Variants in TRHDE observed in about 807,000 individuals in gnomAD.
TRHDE encodes the protein thyrotropin releasing hormone degrading enzyme.
TRHDE carries 72 observed loss-of-function variants against 125.7 expected under a neutral mutation model. The observed-to-expected ratio is 0.57, with a 90% CI of 0.47 to 0.70. The LOEUF (loss-of-function observed/expected upper bound fraction) is 0.70. TRHDE is among the 30% of genes least tolerant of loss of function. TRHDE has a pLI of 0.00. For missense variants in TRHDE, 1,110 were observed against 1,327.1 expected (o/e 0.84, Z 2.54); for synonymous variants, 509 against 509.1 (o/e 1.00, Z 0.00).
intron 5 of TRHDE, among the ~76,000 whole-genome samples, chr12:72,494,671 A>G (rs1305268019): frequency 1.3e-5 from 2 of 152,192 alleles, no homozygotes; most frequent in East Asian, 3.9e-4. Flanking sequence ...AGACTTTGAC[A>G]TGTTCAGGCA....
intron 6 of TRHDE, among the ~76,000 whole-genome samples, chr12:72,515,050 G>T (rs1435478736): frequency 7.1e-6 from 1 of 141,836 alleles, no homozygotes. Flanking sequence ...TTGGATATTT[G>T]GGTTGGTTCC....
At chr12:72,285,122 C>A (rs889603427) in intron 1 of TRHDE, among the ~76,000 whole-genome samples, 4 of 152,166 alleles carry the variant, frequency 2.6e-5, no homozygotes, top group Non-Finnish European at 4.4e-5. Context: ...ATGTAAGCTT[C>A]ATAATTTAAA....
chr12:72,185,988 A>G (rs1592474680), intron 2 of TRHDE, among the ~76,000 whole-genome samples: 1 of 152,212 alleles, frequency 6.6e-6, no homozygotes, highest in Non-Finnish European at 1.5e-5. Flanking sequence ...TAAAAGCACC[A>G]ATCAGCCTGA....
At chr12:72,546,394 A>G (rs1031063381) in intron 7 of TRHDE, among the ~76,000 whole-genome samples, 1 of 151,506 alleles carries the variant, frequency 6.6e-6, no homozygotes. Flanking sequence ...CCTCTCAAAG[A>G]CTTTGTAATT....
At chr12:72,585,838 A>G (rs1036086587) in intron 12 of TRHDE, among the ~76,000 whole-genome samples, 1 of 152,214 alleles carries the variant, frequency 6.6e-6, no homozygotes, top group African/African-American at 2.4e-5. Context: ...AAACAACTCA[A>G]AATAAAAATC....
chr12:72,506,829 A>T (rs1000490626), intron 6 of TRHDE, among the ~76,000 whole-genome samples: 1 of 152,040 alleles, frequency 6.6e-6, no homozygotes, highest in Non-Finnish European at 1.5e-5. Flanking sequence ...CATCCCTGTC[A>T]CTGTTGCCAC....
chr12:72,221,584 G>GGA (rs1259011473), intron 2 of TRHDE, among the ~76,000 whole-genome samples: 1 of 151,904 alleles, frequency 6.6e-6, no homozygotes, highest in East Asian at 1.9e-4. Flanking sequence ...GCAGAACTAG[G>GGA]GAGAGAGATC....
At chr12:72,649,334 G>A (rs1032151760) in intron 15 of TRHDE, among the ~76,000 whole-genome samples, 4 of 150,840 alleles carry the variant, frequency 2.7e-5, no homozygotes, top group African/African-American at 9.7e-5. Context: ...GGGAAAACTG[G>A]ATGTCCACAT....
chr12:72,489,471 A>G (rs1470959643), intron 5 of TRHDE, among the ~76,000 whole-genome samples: 1 of 151,852 alleles, frequency 6.6e-6, no homozygotes, highest in East Asian at 1.9e-4. Flanking sequence ...CAAGGGCATT[A>G]TGCACAGAAA....
At chr12:72,306,696 T>A (rs1316435075) in intron 2 of TRHDE, 1 of 152,150 alleles carries the variant, frequency 6.6e-6, no homozygotes, top group Admixed American at 6.5e-5. Context: ...CAGCAGTAAA[T>A]AAAATGGGCA....
At chr12:72,430,987 ATC>A (rs1323444361) in intron 3 of TRHDE, among the ~76,000 whole-genome samples, 1 of 152,064 alleles carries the variant, frequency 6.6e-6, no homozygotes, top group Non-Finnish European at 1.5e-5. Flanking sequence ...TGTCAAATTT[ATC>A]TCTAAGCATT....
In TRHDE at chr12:72,652,463, C is replaced by T. The variant is rs757319074; in HGVS notation, c.2817C>T (p.Cys939=). ...EKKILLEALT[C]SDDRNLLNRL... is the part of the protein sequence containing the mutation. ...AAATATTATTGGAAGCCTTAACTTG[C>T]AGTGATGACAGGAATTTATTAAACA... The change falls in exon 16 of 19, where the codon TGC becomes TGT. Residue 939 remains cysteine (C), a synonymous_variant. Coordinates refer to ENST00000261180, the MANE Select transcript of TRHDE (RefSeq NM_013381.3). 1.9e-6 allele frequency: 3 copies of T among 1,606,842 alleles called. No individual in the cohort carries two copies. The Admixed American group carries it at 5.1e-5, about 27-fold the overall frequency.
At chr12:72,512,039 TC>T (rs1346489314) in intron 6 of TRHDE, among the ~76,000 whole-genome samples, 1 of 152,142 alleles carries the variant, frequency 6.6e-6, no homozygotes, top group African/African-American at 2.4e-5. Flanking sequence ...ACAGTTTCTG[TC>T]TTTTTTACTT....
chr12:72,608,765 T>A (rs1158729568), intron 12 of TRHDE, among the ~76,000 whole-genome samples: 2 of 152,216 alleles, frequency 1.3e-5, no homozygotes, highest in African/African-American at 4.8e-5. Context: ...ATATCCCCTA[T>A]AATTTTCTCC....
At chr12:72,499,705 T>C (rs1878068780) in intron 6 of TRHDE, 70 bp downstream of exon 6, 1 of 1,545,934 alleles carries the variant, frequency 6.5e-7, no homozygotes, top group Non-Finnish European at 8.8e-7. Context: ...TCATGTTAGA[T>C]GTATGTATTT....
chr12:72,652,328 A>G lies in TRHDE; in HGVS notation c.2682A>G (p.Pro894=), dbSNP rs746786306. ...DWISSNRNRI[P]LNVRDIVYCT... is the part of the protein sequence containing the mutation. ...CCATGGGTTGCTTCTTTAGAATACC[A>G]CTAAATGTTAGAGACATCGTATACT... Residue 894 remains proline (P), a synonymous_variant, in exon 16 of 19, where the codon CCA becomes CCG. Coordinates refer to ENST00000261180, the MANE Select transcript of TRHDE (RefSeq NM_013381.3). 2 of 1,450,688 alleles carry G rather than the reference A, an allele frequency of 1.4e-6. No homozygotes were observed. Among genetic ancestry groups the G allele is most frequent in the South Asian group, 3.2e-5 (2 of 61,830 alleles). 89.9% of individuals were successfully genotyped at this position (1,450,688 alleles called of 1,614,324 possible). A position where few individuals can be genotyped will look rare whatever the true frequency, so the allele number is the denominator to read the frequency against.
chr12:72,410,566 A>C (rs1873451635), intron 3 of TRHDE, among the ~76,000 whole-genome samples: 1 of 152,210 alleles, frequency 6.6e-6, no homozygotes, highest in Non-Finnish European at 1.5e-5. Context: ...TTAGTTGGAC[A>C]TTAAAAAATC....
At position 72,272,628 on chromosome 12, in the gene TRHDE, A is replaced by C; in HGVS notation, c.-16A>C. On this transcript the variant is annotated 5_prime_UTR_variant, in exon 1 of 19. Transcript: ENST00000261180. The surrounding 1 kb of genome is among the most constrained non-coding windows in gnomAD (Gnocchi z 6.7). ...GGGGTGCCAGAGGGGGCGGGGGAGGAGGAGGAGGCGGTGTGATGGCCCTGG... is the reference window on the plus strand; with the variant it reads ...GGGGTGCCAGAGGGGGCGGGGGAGGCGGAGGAGGCGGTGTGATGGCCCTGG... 2.2e-6 allele frequency: 2 copies of C among 904,438 alleles called. No individual in the cohort carries two copies. The highest frequency in any genetic ancestry group is 3.2e-6 in the Non-Finnish European group (2 of 630,880). The allele number at this position is 904,438 out of a possible 1,614,324, so 56.0% of individuals were successfully genotyped here.
At chr12:72,509,433 A>G (rs920585707) in intron 6 of TRHDE, among the ~76,000 whole-genome samples, 2 of 151,936 alleles carry the variant, frequency 1.3e-5, no homozygotes, top group Non-Finnish European at 2.9e-5. Context: ...CCCTAAACTC[A>G]TGGTGCTACT....
Sources: gnomAD v4.1 joint callset for allele counts (sites outside exome capture counted in the v4.1 genomes callset) on GRCh38, gnomAD v4.1.1 for gene constraint, Gnocchi (gnomAD v3.1) non-coding constraint, MANE v1.5 for transcripts, NCBI Gene and HGNC (gene_info 2026-07-23, HGNC 2026-07-21) for gene names.